Variants in CELSR1 observed in about 807,000 individuals in gnomAD.
The protein encoded by CELSR1 is cadherin EGF LAG seven-pass G-type receptor 1.
A neutral mutation model predicts 249.1 loss-of-function variants in CELSR1; 110 were observed. The observed-to-expected ratio is 0.44, with a 90% confidence interval of 0.38 to 0.52. The LOEUF (loss-of-function observed/expected upper bound fraction) is 0.52. CELSR1 is among the 20% of genes least tolerant of loss of function. CELSR1 has a pLI of 0.00. For synonymous variants in CELSR1, 2,113 were observed against 1,900.0 expected, an observed-to-expected ratio of 1.11 and a Z score of -2.92; for missense variants, 4,109 against 4,296.4, an observed-to-expected ratio of 0.96 and a Z score of 1.22.
chr22:46,421,341 G>C (rs1029577359), intron 5 of CELSR1, among the ~76,000 whole-genome samples: 7 of 152,306 alleles, frequency 4.6e-5, no homozygotes, highest in African/African-American at 1.7e-4. Context: ...GGCTGCTGGA[G>C]GACAGTGGCT....
intron 27 of CELSR1, among the ~76,000 whole-genome samples, chr22:46,368,976 C>T (rs1335148333): frequency 6.8e-6 from 1 of 147,564 alleles, no homozygotes; most frequent in Non-Finnish European, 1.5e-5. Flanking sequence ...CTCCTCCAGC[C>T]CCCTCCCCTC....
Position 46,518,765 on chromosome 22 carries a change from G to C in CELSR1, c.3544+14862C>G, listed in dbSNP as rs1362383137. 6.6e-6 allele frequency among the ~76,000 whole-genome samples: 1 copy of C among 152,194 alleles called. No homozygotes were observed. Among genetic ancestry groups the C allele is most frequent in the Non-Finnish European group, 1.5e-5 (1 of 68,038 alleles). On this transcript the variant is annotated intron_variant, in intron 1 of 34. Transcript: ENST00000674500. The surrounding 1 kb of genome is among the most constrained non-coding windows in gnomAD (Gnocchi z 5.2). ...AAGACTCCAGTTGTGGCTGGGCGCG[G>C]TGGCTCGCCTGTAATCCAGCACTTT...
intron 2 of CELSR1, among the ~76,000 whole-genome samples, chr22:46,457,054 C>T (rs1027834913): frequency 3.9e-5 from 6 of 152,150 alleles, no homozygotes; most frequent in African/African-American, 9.7e-5. Context: ...AGGGAGCACC[C>T]GACACTCCCG....
chr22:46,403,563 A>C (rs1169622050), intron 9 of CELSR1, among the ~76,000 whole-genome samples: 1 of 151,644 alleles, frequency 6.6e-6, no homozygotes, highest in Admixed American at 6.6e-5. Context: ...TCACACACAC[A>C]AAAAAAACAA....
intron 5 of CELSR1, among the ~76,000 whole-genome samples, chr22:46,415,231 C>T (rs1212700300): frequency 6.6e-6 from 1 of 152,168 alleles, no homozygotes; most frequent in Non-Finnish European, 1.5e-5. Flanking sequence ...CTCACTGCAA[C>T]CTCCGCCTCC....
intron 9 of CELSR1, among the ~76,000 whole-genome samples, chr22:46,400,284 G>A (rs1275740737): frequency 6.6e-6 from 1 of 151,662 alleles, no homozygotes; most frequent in Non-Finnish European, 1.5e-5. Flanking sequence ...AGCTGAGATC[G>A]CAGCATTGCA....
In CELSR1 at chr22:46,437,563, C is replaced by T. The variant is rs2079678172; in HGVS notation, c.4407-1274G>A. Reference sequence around the variant, plus strand: ...CTGAGGTCAGGTTGACCAGCCTGGCCAACATGGTGAAACCCCGTCTCTACT... The same window carrying T: ...CTGAGGTCAGGTTGACCAGCCTGGCTAACATGGTGAAACCCCGTCTCTACT... On this transcript the variant is annotated intron_variant, in intron 3 of 34. Coordinates refer to ENST00000674500, the MANE Select transcript of CELSR1 (RefSeq NM_001378328.1). The surrounding 1 kb of genome is among the most constrained non-coding windows in gnomAD (Gnocchi z 4.9). Among the ~76,000 whole-genome samples the T allele has an allele frequency of 6.6e-6, 1 of 152,068 alleles. No homozygotes were observed. Among genetic ancestry groups the T allele is most frequent in the Admixed American group, 6.5e-5 (1 of 15,274 alleles).
At chr22:46,498,075 C>T (rs2147721675) in intron 1 of CELSR1, among the ~76,000 whole-genome samples, 1 of 150,362 alleles carries the variant, frequency 6.7e-6, no homozygotes. Flanking sequence ...ATGGAGAAAC[C>T]CCGTCTCTAA....
chr22:46,510,334 T>C (rs942776739), intron 1 of CELSR1, among the ~76,000 whole-genome samples: 6 of 152,126 alleles, frequency 3.9e-5, no homozygotes, highest in Admixed American at 1.3e-4. Flanking sequence ...GAGGCTGGAA[T>C]GCACCCCCTT....
chr22:46,495,260 A>G (rs775473640), intron 1 of CELSR1, among the ~76,000 whole-genome samples: 9 of 152,248 alleles, frequency 5.9e-5, no homozygotes, highest in Non-Finnish European at 1.3e-4. Context: ...ACACACCTGT[A>G]CAGCATGTTA....
At position 46,488,659 on chromosome 22, in the gene CELSR1, C is replaced by T. The variant is rs62233277; in HGVS notation, c.3545-24314G>A. On this transcript the variant is annotated intron_variant, in intron 1 of 34. Coordinates refer to ENST00000674500, the MANE Select transcript of CELSR1 (RefSeq NM_001378328.1). This position sits in a 1 kb window ranked among gnomAD's most constrained non-coding sequence, Gnocchi z 4.7. ...GCAGTGACCACTCCCGTGCCACAGCCCTGCCCTTTTTTTTTTTTGAGACGG... is the reference window on the plus strand; with the variant it reads ...GCAGTGACCACTCCCGTGCCACAGCTCTGCCCTTTTTTTTTTTTGAGACGG... Among the ~76,000 whole-genome samples, 18,118 of 131,144 alleles carry T rather than the reference C, an allele frequency of 0.14. 1,301 individuals are homozygous for T. The highest frequency in any genetic ancestry group is 0.18 in the East Asian group (880 of 4,812). 86.0% of individuals were successfully genotyped at this position (131,144 alleles called of 152,430 possible).
chr22:46,439,812 T>C (rs2079721385), intron 2 of CELSR1, among the ~76,000 whole-genome samples: 2 of 152,188 alleles, frequency 1.3e-5, no homozygotes, highest in Admixed American at 6.5e-5. Context: ...TCCCCACACC[T>C]ATGCCCGTGC....
intron 1 of CELSR1, among the ~76,000 whole-genome samples, chr22:46,497,225 T>G (rs1038222323): frequency 1.3e-5 from 2 of 152,272 alleles, no homozygotes; most frequent in African/African-American, 4.8e-5. Context: ...GCAATCCTGC[T>G]GAAAGCACTT....
At chr22:46,405,610 CTG>C (rs375623747) in intron 9 of CELSR1, among the ~76,000 whole-genome samples, 58 of 152,246 alleles carry the variant, frequency 3.8e-4, no homozygotes, top group African/African-American at 1.3e-3. Flanking sequence ...TGGGAGGTAA[CTG>C]AGAGTGTGTC....
intron 5 of CELSR1, among the ~76,000 whole-genome samples, chr22:46,420,952 G>C (rs945748015): frequency 6.6e-6 from 1 of 152,114 alleles, no homozygotes; most frequent in East Asian, 1.9e-4. Flanking sequence ...AGGAAAACGC[G>C]ACAGCCCTCG....
intron 1 of CELSR1, among the ~76,000 whole-genome samples, chr22:46,483,106 A>T (rs1225707452): frequency 3.9e-5 from 6 of 152,232 alleles, no homozygotes; most frequent in Non-Finnish European, 7.3e-5. Context: ...AGCAGGAAAG[A>T]CAAAGCCTAT....
At chr22:46,476,129 T>C (rs901801150) in intron 1 of CELSR1, among the ~76,000 whole-genome samples, 1 of 152,170 alleles carries the variant, frequency 6.6e-6, no homozygotes, top group Non-Finnish European at 1.5e-5. Flanking sequence ...CCCAGAATTC[T>C]ATCCCTAGGT....
rs1201404668 is a variant in CELSR1 at position 46,447,776 on chromosome 22, C to A, written c.4184-8365G>T. 6.6e-6 allele frequency among the ~76,000 whole-genome samples: 1 copy of A among 152,190 alleles called. No homozygotes were observed. The highest frequency in any genetic ancestry group is 1.5e-5 in the Non-Finnish European group (1 of 68,046). ...CTGGGATTACAGGTGCACACCACCA[C>A]ACCTGGCTAATTTTTGTATTTTAAG... On this transcript the variant is annotated intron_variant, in intron 2 of 34. Coordinates refer to ENST00000674500, the MANE Select transcript of CELSR1 (RefSeq NM_001378328.1). This position sits in a 1 kb window ranked among gnomAD's most constrained non-coding sequence, Gnocchi z 4.7.
chr22:46,522,898 A>T (rs1224220265), intron 1 of CELSR1, among the ~76,000 whole-genome samples: 1 of 152,238 alleles, frequency 6.6e-6, no homozygotes, highest in Non-Finnish European at 1.5e-5. Context: ...GGCCGTCTCC[A>T]ATGCTGGGAG....
Sources: allele counts gnomAD v4.1 joint callset (sites outside exome capture counted in the v4.1 genomes callset), GRCh38; gene constraint gnomAD v4.1.1; non-coding constraint Gnocchi (gnomAD v3.1); transcripts MANE v1.5; gene names NCBI Gene and HGNC (gene_info 2026-07-23, HGNC 2026-07-21).